Variants in TRPC7 observed in about 807,000 individuals in gnomAD.
The protein encoded by TRPC7 is transient receptor potential cation channel subfamily C member 7.
TRPC7 carries 42 observed loss-of-function variants against 90.1 expected under a neutral mutation model. The ratio of observed to expected loss-of-function variants is 0.47; its 90% confidence interval spans 0.36 to 0.60. TRPC7 has a LOEUF of 0.60. Ranked by LOEUF, TRPC7 falls within the 20% of genes least tolerant of loss-of-function variation. The probability of loss-of-function intolerance (pLI) is 0.00; values close to 1 mark genes in which losing one functional copy is unlikely to be tolerated. For missense variants in TRPC7, 955 were observed against 1,112.3 expected, an observed-to-expected ratio of 0.86 and a Z score of 2.01; for synonymous variants, 451 against 436.3, an observed-to-expected ratio of 1.03 and a Z score of -0.42.
intron 2 of TRPC7, among the ~76,000 whole-genome samples, chr5:136,316,257 G>T (rs1483909140): frequency 6.6e-6 from 1 of 152,134 alleles, no homozygotes; most frequent in Admixed American, 6.5e-5. Flanking sequence ...TTTTAGGGCT[G>T]ATGTAAATAA....
chr5:136,356,447 C>A (rs538353497), intron 2 of TRPC7, among the ~76,000 whole-genome samples, 161 bp downstream of exon 2: 1 of 152,196 alleles, frequency 6.6e-6, no homozygotes, highest in Non-Finnish European at 1.5e-5. Context: ...TCAGGCCTAT[C>A]TCTGATAAGT....
At chr5:136,268,352 G>A (rs1222766657) in intron 4 of TRPC7, among the ~76,000 whole-genome samples, 1 of 152,114 alleles carries the variant, frequency 6.6e-6, no homozygotes, top group Non-Finnish European at 1.5e-5. Flanking sequence ...TGAAGAGAGG[G>A]CAAGGGATAC....
chr5:136,288,222 A>G (rs1757797224), intron 3 of TRPC7, among the ~76,000 whole-genome samples: 1 of 152,156 alleles, frequency 6.6e-6, no homozygotes, highest in Non-Finnish European at 1.5e-5. Flanking sequence ...TACACCAAGC[A>G]GCAGTTAATA....
chr5:136,322,300 C>G (rs1431266902), intron 2 of TRPC7, among the ~76,000 whole-genome samples: 3 of 152,164 alleles, frequency 2.0e-5, no homozygotes, highest in Non-Finnish European at 4.4e-5. Flanking sequence ...AGGCATAAGC[C>G]ACCATACCTG....
chr5:136,320,985 G>A (rs538925211), intron 2 of TRPC7, among the ~76,000 whole-genome samples: 10 of 152,074 alleles, frequency 6.6e-5, no homozygotes, highest in Admixed American at 2.6e-4. Flanking sequence ...TAATTTTCTT[G>A]AGGGCATGGA....
chr5:136,275,777 A>T (rs1757346797), intron 3 of TRPC7, among the ~76,000 whole-genome samples: 1 of 152,150 alleles, frequency 6.6e-6, no homozygotes, highest in Admixed American at 6.5e-5. Flanking sequence ...CGTGTTTAGG[A>T]CTATGTTGAG....
intron 10 of TRPC7, among the ~76,000 whole-genome samples, chr5:136,224,377 CT>C (rs1755560344): frequency 6.6e-6 from 1 of 152,150 alleles, no homozygotes; most frequent in Admixed American, 6.5e-5. Flanking sequence ...CATAAAAGTT[CT>C]TTTTCTAATT....
chr5:136,323,120 A>G (rs1385409833), intron 2 of TRPC7, among the ~76,000 whole-genome samples: 1 of 152,212 alleles, frequency 6.6e-6, no homozygotes, highest in Non-Finnish European at 1.5e-5. Flanking sequence ...TTCTTGTGGT[A>G]GTGGATAAGT....
chr5:136,247,866 A>G lies in TRPC7; in HGVS notation c.1580-131T>C. On this transcript the variant is annotated intron_variant, in intron 6 of 11. Transcript: ENST00000513104. This position sits in a 1 kb window ranked among gnomAD's most constrained non-coding sequence, Gnocchi z 4.2. ...TGTCCTTGTCCTTAAATTAATCCCA[A>G]TATCCAGAAGTTGCCACCCTCCCTC... 2.2e-5 allele frequency: 26 copies of G among 1,203,236 alleles called. No individual in the cohort carries two copies. The highest frequency in any genetic ancestry group is 2.7e-5 in the Non-Finnish European group (24 of 875,186). 74.5% of individuals were successfully genotyped at this position (1,203,236 alleles called of 1,614,324 possible).
chr5:136,356,270 T>TC (rs1246119374), intron 2 of TRPC7, among the ~76,000 whole-genome samples: 1 of 152,220 alleles, frequency 6.6e-6, no homozygotes, highest in Non-Finnish European at 1.5e-5. Context: ...TCCTTAGGTG[T>TC]CCTAGACACT....
chr5:136,285,524 G>A (rs1757685380), intron 3 of TRPC7, among the ~76,000 whole-genome samples: 1 of 152,164 alleles, frequency 6.6e-6, no homozygotes, highest in African/African-American at 2.4e-5. Flanking sequence ...GCCAGTGTGG[G>A]TCTAATTTAA....
chr5:136,315,483 G>A, intron 3 of TRPC7, 114 bp downstream of exon 3: 1 of 1,115,846 alleles, frequency 9.0e-7, no homozygotes, highest in Non-Finnish European at 1.3e-6. Context: ...AGAGAATCTG[G>A]GTGTCATCAT....
chr5:136,335,332 G>T (rs983784506), intron 2 of TRPC7, among the ~76,000 whole-genome samples: 37 of 151,896 alleles, frequency 2.4e-4, no homozygotes, highest in African/African-American at 8.2e-4. Flanking sequence ...ATCCAAACCT[G>T]ATCTTCTGCT....
At chr5:136,336,360 T>A (rs1373996690) in intron 2 of TRPC7, among the ~76,000 whole-genome samples, 1 of 152,164 alleles carries the variant, frequency 6.6e-6, no homozygotes, top group African/African-American at 2.4e-5. Context: ...GAAGACTACC[T>A]TTTGTGGGTA....
intron 4 of TRPC7, among the ~76,000 whole-genome samples, chr5:136,272,004 A>G (rs1290972144): frequency 6.6e-6 from 1 of 152,228 alleles, no homozygotes; most frequent in Admixed American, 6.5e-5. Context: ...GGCAACAACT[A>G]TTAGGAAGTA....
Position 136,231,555 on chromosome 5 carries a change from A to G in TRPC7, c.1845-6T>C, listed in dbSNP as rs1755816618. On this transcript the variant is annotated splice_polypyrimidine_tract_variant and splice_region_variant and intron_variant, in intron 7 of 11. Transcript: ENST00000513104. ...TTTTAAAACTTTCTTCAACCCTGCA[A>G]AGAAACAGACGGTCCTTTTACGCAG... is the stretch of plus-strand genomic sequence containing the variant. 1.9e-6 allele frequency: 3 copies of G among 1,584,654 alleles called. No homozygotes were observed. Among genetic ancestry groups the G allele is most frequent in the Non-Finnish European group, 2.6e-6 (3 of 1,160,032 alleles).
chr5:136,330,321 A>G (rs980232862), intron 2 of TRPC7, among the ~76,000 whole-genome samples: 2 of 152,354 alleles, frequency 1.3e-5, no homozygotes, highest in African/African-American at 2.4e-5. Flanking sequence ...AGTGCTTTAT[A>G]TATTTATCTC....
At chr5:136,345,600 C>T (rs1319282534) in intron 2 of TRPC7, among the ~76,000 whole-genome samples, 12 of 152,096 alleles carry the variant, frequency 7.9e-5, no homozygotes, top group Non-Finnish European at 1.5e-5. Flanking sequence ...TGGATATTAG[C>T]CCTTTGTCAG....
chr5:136,263,623 C>T (rs1429359101), intron 5 of TRPC7, among the ~76,000 whole-genome samples: 7 of 149,740 alleles, frequency 4.7e-5, no homozygotes, highest in Non-Finnish European at 1.0e-4. Context: ...AAAAGAGAAC[C>T]AAATAAGATT....
Sources: allele counts gnomAD v4.1 joint callset (sites outside exome capture counted in the v4.1 genomes callset), GRCh38; gene constraint gnomAD v4.1.1; non-coding constraint Gnocchi (gnomAD v3.1); transcripts MANE v1.5; gene names NCBI Gene and HGNC (gene_info 2026-07-23, HGNC 2026-07-21).